Variants in UBE2E2 observed in about 807,000 individuals in gnomAD.
The protein encoded by UBE2E2 is ubiquitin-conjugating enzyme E2 E2.
UBE2E2 carries 6 observed loss-of-function variants against 24.7 expected under a neutral mutation model. That is an observed-to-expected ratio of 0.24 (90% CI 0.13 to 0.48). The LOEUF (loss-of-function observed/expected upper bound fraction) is 0.48, where lower values mean the gene tolerates loss of function less well. Ranked by LOEUF, UBE2E2 falls within the 20% of genes least tolerant of loss-of-function variation. The probability of loss-of-function intolerance (pLI) is 0.99; values close to 1 mark genes in which losing one functional copy is unlikely to be tolerated. For missense variants in UBE2E2, 169 were observed against 245.0 expected (o/e 0.69, Z 2.07); for synonymous variants, 104 against 83.6 (o/e 1.24, Z -1.33).
chr3:23,523,521 A>G (rs1694915890), intron 4 of UBE2E2, among the ~76,000 whole-genome samples: 1 of 142,002 alleles, frequency 7.0e-6, no homozygotes, highest in Admixed American at 7.6e-5. Context: ...ACAGCTGGAT[A>G]GGTGTCATCT....
chr3:23,336,447 A>C (rs886520329), intron 3 of UBE2E2, among the ~76,000 whole-genome samples: 8 of 152,218 alleles, frequency 5.3e-5, no homozygotes, highest in Non-Finnish European at 4.4e-5. Flanking sequence ...TTATTTCTTC[A>C]ATCACATGAT....
intron 3 of UBE2E2, among the ~76,000 whole-genome samples, chr3:23,353,462 G>C (rs189373341): frequency 2.0e-5 from 3 of 152,314 alleles, no homozygotes; most frequent in South Asian, 2.1e-4. Context: ...GTTTGCAGAT[G>C]ACATGATAGT....
At chr3:23,322,986 T>G (rs1332958552) in intron 3 of UBE2E2, among the ~76,000 whole-genome samples, 1 of 152,016 alleles carries the variant, frequency 6.6e-6, no homozygotes, top group Non-Finnish European at 1.5e-5. Flanking sequence ...CAGTAAAACA[T>G]AAAATCACTT....
At chr3:23,285,518 A>C (rs992231862) in intron 3 of UBE2E2, among the ~76,000 whole-genome samples, 1 of 152,124 alleles carries the variant, frequency 6.6e-6, no homozygotes, top group Admixed American at 6.6e-5. Flanking sequence ...TTCTTTTCTC[A>C]GCATCCTCCT....
intron 3 of UBE2E2, among the ~76,000 whole-genome samples, chr3:23,372,780 T>C (rs969328632): frequency 6.6e-6 from 1 of 152,172 alleles, no homozygotes; most frequent in Non-Finnish European, 1.5e-5. Context: ...TTAAAATATA[T>C]AAGAACTATA....
At chr3:23,230,155 T>TA (rs1315350642) in intron 3 of UBE2E2, among the ~76,000 whole-genome samples, 1 of 152,214 alleles carries the variant, frequency 6.6e-6, no homozygotes, top group Middle Eastern at 3.2e-3. Context: ...TTAAGTAAAA[T>TA]ACCTTTGTCA....
At chr3:23,263,029 A>C (rs1046658115) in intron 3 of UBE2E2, among the ~76,000 whole-genome samples, 2 of 152,202 alleles carry the variant, frequency 1.3e-5, no homozygotes, top group Non-Finnish European at 2.9e-5. Context: ...GAGGAAAAGC[A>C]GGCAGAAGTT....
At chr3:23,495,328 G>A (rs1047278749) in intron 3 of UBE2E2, among the ~76,000 whole-genome samples, 13 of 152,154 alleles carry the variant, frequency 8.5e-5, no homozygotes, top group African/African-American at 3.1e-4. Context: ...TTCTTGGTGA[G>A]ATACTGCTGT....
intron 3 of UBE2E2, among the ~76,000 whole-genome samples, chr3:23,468,665 A>G (rs965182193): frequency 1.4e-4 from 21 of 152,202 alleles, no homozygotes; most frequent in African/African-American, 4.8e-4. Flanking sequence ...ATTAAATGTA[A>G]AATTGCAGGG....
Position 23,508,616 on chromosome 3 carries a change from C to T in UBE2E2, c.360+8876C>T, listed in dbSNP as rs576181222. ...CTTGAAGAGGTGGTGGTGAATCAGC[C>T]ACTCTGATATCTACTGACACACCCT... On this transcript the variant is annotated intron_variant, in intron 4 of 5. Coordinates refer to ENST00000396703, the MANE Select transcript of UBE2E2 (RefSeq NM_152653.4). Among the ~76,000 whole-genome samples, 18 of 152,268 alleles carry T rather than the reference C, an allele frequency of 1.2e-4. No individual in the cohort carries two copies. In the East Asian group the frequency reaches 3.5e-3, roughly 29 times the overall value.
chr3:23,208,051 T>A (rs557503919), intron 1 of UBE2E2, among the ~76,000 whole-genome samples: 2 of 152,242 alleles, frequency 1.3e-5, no homozygotes, highest in Admixed American at 6.5e-5. Context: ...ATTTTTTTTT[T>A]GAGACAGGGT....
At chr3:23,516,738 G>A (rs910387584) in intron 4 of UBE2E2, among the ~76,000 whole-genome samples, 3 of 152,078 alleles carry the variant, frequency 2.0e-5, no homozygotes, top group Non-Finnish European at 4.4e-5. Flanking sequence ...CAGGCTAAAA[G>A]TATTTTACTA....
chr3:23,499,530 G>T (rs1025169788), intron 3 of UBE2E2, 78 bp from the exon 4 acceptor site: 7 of 1,523,460 alleles, frequency 4.6e-6, no homozygotes, highest in East Asian at 2.3e-5. Flanking sequence ...TGCTCAATTG[G>T]TTATCATAAA....
At chr3:23,208,295 A>G (rs777292700) in intron 1 of UBE2E2, among the ~76,000 whole-genome samples, 2 of 152,146 alleles carry the variant, frequency 1.3e-5, no homozygotes, top group African/African-American at 4.8e-5. Flanking sequence ...TCTTTCACTT[A>G]CCAGAATGTT....
intron 3 of UBE2E2, among the ~76,000 whole-genome samples, chr3:23,298,595 G>A (rs1308181221): frequency 6.6e-6 from 1 of 151,810 alleles, no homozygotes; most frequent in African/African-American, 2.4e-5. Flanking sequence ...TACGTTTATT[G>A]ATTTGCATAT....
intron 3 of UBE2E2, among the ~76,000 whole-genome samples, chr3:23,254,917 C>A (rs957754692): frequency 7.3e-5 from 11 of 151,716 alleles, no homozygotes; most frequent in Non-Finnish European, 5.9e-5. Flanking sequence ...TTTTTCCCCC[C>A]TTATGTCTCA....
chr3:23,312,944 T>C (rs1252069897), intron 3 of UBE2E2, among the ~76,000 whole-genome samples: 2 of 152,234 alleles, frequency 1.3e-5, no homozygotes, highest in African/African-American at 4.8e-5. Flanking sequence ...TCTATTGTCA[T>C]CAGAGAAGAT....
At chr3:23,267,794 C>G (rs1424817297) in intron 3 of UBE2E2, among the ~76,000 whole-genome samples, 2 of 149,916 alleles carry the variant, frequency 1.3e-5, no homozygotes, top group African/African-American at 4.9e-5. Flanking sequence ...AACATTGATG[C>G]AAAAATCCTC....
At chr3:23,284,539 G>T (rs537788187) in intron 3 of UBE2E2, among the ~76,000 whole-genome samples, 1 of 152,008 alleles carries the variant, frequency 6.6e-6, no homozygotes, top group Non-Finnish European at 1.5e-5. Context: ...TTTTAAAAAA[G>T]AATCTTTGAA....
Sources: allele counts gnomAD v4.1 joint callset (sites outside exome capture counted in the v4.1 genomes callset), GRCh38; gene constraint gnomAD v4.1.1; transcripts MANE v1.5; gene names NCBI Gene and HGNC (gene_info 2026-07-23, HGNC 2026-07-21).